The following GNG12 variants were observed in gnomAD, a reference collection of about 807,000 sequenced individuals.
GNG12 encodes guanine nucleotide-binding protein G(I)/G(S)/G(O) subunit gamma-12.
For missense variants in GNG12, 69 were observed against 83.8 expected (o/e 0.82, Z 0.69); for synonymous variants, 28 against 29.7 (o/e 0.94, Z 0.19).
At chr1:67,800,317 G>C (rs1296406142) in intron 1 of GNG12, among the ~76,000 whole-genome samples, 1 of 152,192 alleles carries the variant, frequency 6.6e-6, no homozygotes, top group Non-Finnish European at 1.5e-5. Flanking sequence ...CAAGCTCATG[G>C]TGGCAGATAC....
At chr1:67,812,574 T>TA (rs1646932133) in intron 1 of GNG12, among the ~76,000 whole-genome samples, 2 of 152,220 alleles carry the variant, frequency 1.3e-5, no homozygotes, top group South Asian at 4.2e-4. Context: ...AGATAAGACT[T>TA]AGAGTGATTC....
At chr1:67,792,222 G>T (rs1048260798) in intron 1 of GNG12, among the ~76,000 whole-genome samples, 8 of 142,790 alleles carry the variant, frequency 5.6e-5, no homozygotes, top group African/African-American at 1.8e-4. Flanking sequence ...CGTAAGAAAA[G>T]GATGTTGTTT....
At chr1:67,784,057 G>A (rs1646753050) in intron 1 of GNG12, among the ~76,000 whole-genome samples, 1 of 151,324 alleles carries the variant, frequency 6.6e-6, no homozygotes, top group Admixed American at 6.6e-5. Flanking sequence ...CAAAGACTTG[G>A]AACCAACCCA....
intron 1 of GNG12, among the ~76,000 whole-genome samples, chr1:67,779,801 T>C (rs748449039): frequency 2.0e-5 from 3 of 152,194 alleles, no homozygotes; most frequent in Non-Finnish European, 4.4e-5. Context: ...GTGAATATCG[T>C]AGGGTGTACT....
chr1:67,709,037 G>A (rs896319336), intron 2 of GNG12, among the ~76,000 whole-genome samples: 4 of 152,080 alleles, frequency 2.6e-5, no homozygotes, highest in Non-Finnish European at 4.4e-5. Context: ...CAAAGGCCGA[G>A]TTCTACGACT....
intron 1 of GNG12, among the ~76,000 whole-genome samples, chr1:67,808,297 T>C (rs537042392): frequency 1.1e-4 from 17 of 152,066 alleles, no homozygotes; most frequent in South Asian, 2.1e-4. Flanking sequence ...AAACTAAAAA[T>C]AGAGGGGAAC....
intron 2 of GNG12, among the ~76,000 whole-genome samples, chr1:67,719,989 C>T (rs900041248): frequency 8.5e-5 from 13 of 152,178 alleles, no homozygotes; most frequent in Admixed American, 5.2e-4. Flanking sequence ...TGGGTGTTTG[C>T]GTGCCCAGTG....
chr1:67,749,992 C>T (rs1179391088), intron 2 of GNG12, among the ~76,000 whole-genome samples: 1 of 152,166 alleles, frequency 6.6e-6, no homozygotes, highest in African/African-American at 2.4e-5. Flanking sequence ...TGGGCACTCT[C>T]AGAAAGGCTA....
At chr1:67,823,628 T>C (rs1646995572) in intron 1 of GNG12, among the ~76,000 whole-genome samples, 1 of 152,232 alleles carries the variant, frequency 6.6e-6, no homozygotes, top group Non-Finnish European at 1.5e-5. Context: ...TAAATTACCG[T>C]TGTGCAGAAA....
Position 67,743,085 on chromosome 1 carries a change from C to A in GNG12, c.-27+34373G>T, listed in dbSNP as rs148789823. ...TACTAATCAGGAAGAATAAAGGTTT[C>A]TTTTTGACTGCTTAGTAAAAAATTC... On this transcript the variant is annotated intron_variant, in intron 2 of 3. Transcript: ENST00000370982. Among the ~76,000 whole-genome samples the A allele has an allele frequency of 1.9e-3, 289 of 152,232 alleles. 1 individual carries two copies. The highest frequency in any genetic ancestry group is 6.6e-3 in the African/African-American group (276 of 41,530).
intron 1 of GNG12, among the ~76,000 whole-genome samples, chr1:67,832,106 C>T (rs1277271907): frequency 1.3e-5 from 2 of 152,188 alleles, no homozygotes; most frequent in African/African-American, 2.4e-5. Flanking sequence ...GAAATATAAA[C>T]TGTGTCGGCA....
chr1:67,721,206 A>C lies in GNG12; in HGVS notation c.-26-13494T>G, dbSNP rs74882444. 8.7e-4 allele frequency among the ~76,000 whole-genome samples: 133 copies of C among 152,308 alleles called. 1 individual carries two copies. In the East Asian group the frequency reaches 0.015, roughly 17 times the overall value. ...AAACAATACTATATGAAGTGAGAGA[A>C]TATTTCCAAACAACTTAAGAATATA... On this transcript the variant is annotated intron_variant, in intron 2 of 3. Transcript: ENST00000370982.
intron 1 of GNG12, among the ~76,000 whole-genome samples, chr1:67,795,745 C>T (rs1646827726): frequency 6.6e-6 from 1 of 152,112 alleles, no homozygotes. Context: ...GAACCAATGG[C>T]CACTTATCAG....
At chr1:67,728,931 C>T (rs1646402872) in intron 2 of GNG12, among the ~76,000 whole-genome samples, 1 of 152,196 alleles carries the variant, frequency 6.6e-6, no homozygotes, top group Non-Finnish European at 1.5e-5. Context: ...GAGAAATACA[C>T]AGAAAACCTG....
rs9787389 is a variant in GNG12, at chr1:67,786,983, G to A, written c.-76-9476C>T. Among the ~76,000 whole-genome samples, 223 of 114,578 alleles carry A rather than the reference G, an allele frequency of 1.9e-3. 2 individuals are homozygous for A. Among genetic ancestry groups the A allele is most frequent in the African/African-American group, 7.0e-3 (203 of 28,830 alleles). 75.2% of individuals were successfully genotyped at this position (114,578 alleles called of 152,430 possible). On this transcript the variant is annotated intron_variant, in intron 1 of 3. Transcript: ENST00000370982. ...TGTGTGTGTGTGTGTGTGTGTGTGTGTGTATGTATATATATGTGTATATCT... is the reference window on the plus strand; with the variant it reads ...TGTGTGTGTGTGTGTGTGTGTGTGTATGTATGTATATATATGTGTATATCT...
intron 1 of GNG12, among the ~76,000 whole-genome samples, chr1:67,830,897 A>G (rs1205005744): frequency 6.6e-6 from 1 of 152,218 alleles, no homozygotes; most frequent in Admixed American, 6.5e-5. Flanking sequence ...AGCTAGATAA[A>G]TATCTAATAA....
chr1:67,749,062 C>T (rs1204770761), intron 2 of GNG12, among the ~76,000 whole-genome samples: 1 of 151,962 alleles, frequency 6.6e-6, no homozygotes, highest in African/African-American at 2.4e-5. Flanking sequence ...AGGTGGGGAA[C>T]AACCAAACCC....
At chr1:67,775,647 C>T (rs1322327767) in intron 2 of GNG12, among the ~76,000 whole-genome samples, 4 of 152,166 alleles carry the variant, frequency 2.6e-5, no homozygotes, top group Admixed American at 6.5e-5. Flanking sequence ...AGGCATATAT[C>T]GCCTTTAGCT....
intron 2 of GNG12, among the ~76,000 whole-genome samples, chr1:67,713,181 C>G (rs998671525): frequency 6.6e-6 from 1 of 152,220 alleles, no homozygotes; most frequent in African/African-American, 2.4e-5. Flanking sequence ...AAGTTAGCAT[C>G]TGCAGATCTT....
Sources: allele counts gnomAD v4.1 joint callset (sites outside exome capture counted in the v4.1 genomes callset), GRCh38; gene constraint gnomAD v4.1.1; transcripts MANE v1.5; gene names NCBI Gene and HGNC (gene_info 2026-07-23, HGNC 2026-07-21).